Variants in DSG1 observed in about 807,000 individuals in gnomAD.
DSG1 encodes the protein desmoglein 1.
A neutral mutation model predicts 97.5 loss-of-function variants in DSG1; 39 were observed. The observed-to-expected ratio is 0.40, with a 90% CI of 0.31 to 0.52. The LOEUF (loss-of-function observed/expected upper bound fraction) is 0.52. DSG1 is among the 20% of genes least tolerant of loss of function. The pLI, the probability that DSG1 is intolerant of heterozygous loss-of-function variation, is 0.53. For synonymous variants in DSG1, 475 were observed against 443.4 expected (o/e 1.07, Z -0.90); for missense variants, 1,311 against 1,295.4 (o/e 1.01, Z -0.18).
At chr18:31,335,800 A>C (rs2071748210) in intron 8 of DSG1, among the ~76,000 whole-genome samples, 1 of 151,018 alleles carries the variant, frequency 6.6e-6, no homozygotes, top group Non-Finnish European at 1.5e-5. Flanking sequence ...ATTTTATGAA[A>C]TAAATATTTC....
At chr18:31,327,084 A>T (rs921085999) in intron 3 of DSG1, 79 bp downstream of exon 3, 5 of 1,557,394 alleles carry the variant, frequency 3.2e-6, no homozygotes, top group Non-Finnish European at 4.4e-6. Context: ...TAAATATTTC[A>T]TGAACATGTC....
rs2071734736 is a variant in DSG1 at position 31,333,741 on chromosome 18, G to A, written c.819+18G>A. 1.2e-6 allele frequency: 2 copies of A among 1,612,064 alleles called. No homozygotes were observed. The highest frequency in any genetic ancestry group is 1.3e-5 in the African/African-American group (1 of 74,938). ...AGTCTTCAGTAAGTATTTGTTCTTGGAATTAATAAATCTAAATTCGCTATA... is the reference window on the plus strand; with the variant it reads ...AGTCTTCAGTAAGTATTTGTTCTTGAAATTAATAAATCTAAATTCGCTATA... On this transcript the variant is annotated intron_variant, in intron 7 of 14. Coordinates refer to ENST00000257192, the MANE Select transcript of DSG1 (RefSeq NM_001942.4).
chr18:31,330,740 T>A (rs1291389013), intron 5 of DSG1, among the ~76,000 whole-genome samples: 15 of 152,142 alleles, frequency 9.9e-5, no homozygotes, highest in Admixed American at 9.2e-4. Flanking sequence ...TATCATCTGT[T>A]ACATGCTAAT....
chr18:31,326,954 A>C lies in DSG1; in HGVS notation c.165A>C (p.Ala55=), dbSNP rs1191553339. ...RRQKREWIKF[A]AACREGEDNS... ...AGAAACGTGAATGGATCAAGTTCGC[A>C]GCAGCCTGTCGTGAAGGTGAAGACA... Residue 55 remains alanine (A), a synonymous_variant, in exon 3 of 15, where the codon GCA becomes GCC. Coordinates refer to ENST00000257192, the MANE Select transcript of DSG1 (RefSeq NM_001942.4). 1.9e-6 allele frequency: 3 copies of C among 1,613,948 alleles called. No homozygotes were observed. The highest frequency in any genetic ancestry group is 2.5e-6 in the Non-Finnish European group (3 of 1,179,920).
At position 31,354,504 on chromosome 18, in the gene DSG1, G is replaced by A. The variant is rs953515582; in HGVS notation, c.2308G>A (p.Asp770Asn). 4 of 1,614,070 alleles carry A rather than the reference G, an allele frequency of 2.5e-6. No homozygotes were observed. Among genetic ancestry groups the A allele is most frequent in the African/African-American group, 1.3e-5 (1 of 74,918 alleles). Residue 770 changes from aspartate (D) to asparagine (N), a missense_variant, in exon 15 of 15, where the codon GAC (aspartate) becomes AAC (asparagine). Transcript: ENST00000257192. Reference sequence around the variant, plus strand: ...CAGCCTAGGAAAAGAATCATATCCAGACCTTGATCCTTCTTGGCCACCACA... The same window carrying A: ...CAGCCTAGGAAAAGAATCATATCCAAACCTTGATCCTTCTTGGCCACCACA... ...DISLGKESYP[D>N]LDPSWPPQST...
At position 31,358,480 on chromosome 18, in the gene DSG1, A is replaced by C. The variant is rs557879121; in HGVS notation, c.*3134A>C. On this transcript the variant is annotated 3_prime_UTR_variant, in exon 15 of 15. Coordinates refer to ENST00000257192, the MANE Select transcript of DSG1 (RefSeq NM_001942.4). ...TTAGCATCATAATTTTTATTCAAGA[A>C]AATGTTCTGACAAAATTTTAATTAT... 1.3e-5 allele frequency among the ~76,000 whole-genome samples: 2 copies of C among 152,212 alleles called. No individual in the cohort carries two copies. Among genetic ancestry groups the C allele is most frequent in the East Asian group, 3.9e-4 (2 of 5,192 alleles).
At position 31,326,629 on chromosome 18, in the gene DSG1, A is replaced by G; in HGVS notation, c.84+13A>G. 1 of 1,597,904 alleles carries G rather than the reference A, an allele frequency of 6.3e-7. No individual in the cohort carries two copies. Among genetic ancestry groups the G allele is most frequent in the Non-Finnish European group, 8.6e-7 (1 of 1,166,318 alleles). On this transcript the variant is annotated intron_variant, in intron 2 of 14. Coordinates refer to ENST00000257192, the MANE Select transcript of DSG1 (RefSeq NM_001942.4). ...ATTCCGAATCCAGGTAATATATAAC[A>G]AATCCATTTTTCCAAATTTTTAAAC...
At chr18:31,344,264 T>C (rs952160919) in intron 13 of DSG1, among the ~76,000 whole-genome samples, 15 of 152,168 alleles carry the variant, frequency 9.9e-5, no homozygotes, top group Admixed American at 6.6e-4. Flanking sequence ...AAGTACTGAA[T>C]TGTAACCATG....
intron 11 of DSG1, 76 bp from the exon 12 acceptor site, chr18:31,343,374 C>A: frequency 6.3e-7 from 1 of 1,581,562 alleles, no homozygotes; most frequent in Admixed American, 1.7e-5. Flanking sequence ...TCAAATTTAA[C>A]CATAAAAAAT....
At chr18:31,343,642 A>G (rs2071806120) in intron 12 of DSG1, 59 bp downstream of exon 12, 5 of 1,610,658 alleles carry the variant, frequency 3.1e-6, no homozygotes, top group South Asian at 1.1e-5. Flanking sequence ...GTCTTTACAC[A>G]TGAACCAAGA....
rs373882874 is a variant in DSG1 at position 31,354,811 on chromosome 18, T to C, written c.2615T>C (p.Ile872Thr). ...GTGACAGAGAGAGTGGTCGGCCCAATCTCTGGCGCTGATTTGCATGGAATG... is the reference window on the plus strand; with the variant it reads ...GTGACAGAGAGAGTGGTCGGCCCAACCTCTGGCGCTGATTTGCATGGAATG... Reference protein sequence around the residue: ...VVVTERVVGPISGADLHGMLE... With the variant: ...VVVTERVVGPTSGADLHGMLE... The change falls in exon 15 of 15, where the codon ATC becomes ACC. Residue 872 changes from isoleucine to threonine, a missense_variant. Physicochemically the swap from Ile to Thr is moderately conservative, Grantham distance 89. Around this residue, in one of 3 missense-constraint regions of DSG1, gnomAD observed 1,038 missense variants for 964.6 expected, o/e 1.08. Transcript: ENST00000257192. The C allele has an allele frequency of 6.2e-6, 10 of 1,613,950 alleles. No homozygotes were observed. The highest frequency in any genetic ancestry group is 1.7e-5 in the Admixed American group (1 of 59,996).
Position 31,355,110 on chromosome 18 carries a change from G to C in DSG1, c.2914G>C (p.Gly972Arg), listed in dbSNP as rs1042755. 6.2e-7 allele frequency: 1 copy of C among 1,613,958 alleles called. No homozygotes were observed. The highest frequency in any genetic ancestry group is 8.5e-7 in the Non-Finnish European group (1 of 1,179,850). Residue 972 changes from glycine (G) to arginine (R), a missense_variant, in exon 15 of 15, where the codon GGT (glycine) becomes CGT (arginine). Around this residue, in one of 3 missense-constraint regions of DSG1, gnomAD observed 1,038 missense variants for 964.6 expected, o/e 1.08. Transcript: ENST00000257192. Reference protein sequence around the residue: ...TGISGTTGISGGIGSSGLVGT... With the variant: ...TGISGTTGISRGIGSSGLVGT... ...AATTAGTGGCACCACTGGGATCAGC[G>C]GTGGCATAGGCAGCAGTGGCCTGGT...
intron 8 of DSG1, 145 bp from the exon 9 acceptor site, chr18:31,336,209 A>T: frequency 1.5e-6 from 1 of 684,970 alleles, no homozygotes. Flanking sequence ...AAGATTAAAA[A>T]TTTAAGAATG....
chr18:31,354,598 C>T lies in DSG1; in HGVS notation c.2402C>T (p.Pro801Leu). The stretch of plus-strand genomic sequence containing the variant: ...GTTAGTGGACACCCACCAATCTCCC[C>T]ACATTTCGGCACTACCACAGTAATT... ...PVVSGHPPIS[P>L]HFGTTTVISE... Residue 801 changes from proline (P) to leucine (L), a missense_variant, in exon 15 of 15, where the codon CCA becomes CTA. Around this residue, in one of 3 missense-constraint regions of DSG1, gnomAD observed 1,038 missense variants for 964.6 expected, o/e 1.08. Transcript: ENST00000257192. 6.2e-7 allele frequency: 1 copy of T among 1,614,194 alleles called. No individual in the cohort carries two copies. The highest frequency in any genetic ancestry group is 8.5e-7 in the Non-Finnish European group (1 of 1,180,038).
At chr18:31,350,792 T>C (rs2071889069) in intron 14 of DSG1, among the ~76,000 whole-genome samples, 2 of 150,940 alleles carry the variant, frequency 1.3e-5, no homozygotes, top group South Asian at 4.2e-4. Flanking sequence ...GTAGTTTGTA[T>C]TTCTGTGGGA....
Position 31,340,033 on chromosome 18 carries a change from CT to C in DSG1, c.1687+11del, listed in dbSNP as rs778133427. 292 of 1,613,774 alleles carry C rather than the reference CT, an allele frequency of 1.8e-4. No homozygotes were observed. The African/African-American group carries it at 3.5e-3, about 20-fold the overall frequency. ...GATTCTTGGTCTTAGGATGTAAGTA[CT>C]TTAGCAATCCTATGTATATGTGTCC... is the stretch of plus-strand genomic sequence containing the variant. On this transcript the variant is annotated intron_variant, in intron 11 of 14. Coordinates refer to ENST00000257192, the MANE Select transcript of DSG1 (RefSeq NM_001942.4).
intron 12 of DSG1, 95 bp from the exon 13 acceptor site, chr18:31,343,831 A>T: frequency 8.3e-7 from 1 of 1,203,960 alleles, no homozygotes; most frequent in Admixed American, 1.9e-5. Flanking sequence ...TTTTTAGGAA[A>T]TCTGAGGTAA....
At chr18:31,330,651 C>T (rs866750331) in intron 5 of DSG1, among the ~76,000 whole-genome samples, 1 of 152,018 alleles carries the variant, frequency 6.6e-6, no homozygotes, top group Non-Finnish European at 1.5e-5. Context: ...TTCCTAGTAC[C>T]ATTCTTCAGA....
In DSG1 at chr18:31,326,600, G is replaced by A; in HGVS notation, c.68G>A (p.Ser23Asn). Residue 23 changes from serine (S) to asparagine (N), a missense_variant, in exon 2 of 15, where the codon AGT becomes AAT. Physicochemically the swap from Ser to Asn is conservative, Grantham distance 46 (BLOSUM62 1). Around this residue, in one of 3 missense-constraint regions of DSG1, gnomAD observed 259 missense variants for 304.1 expected, o/e 0.85. Coordinates refer to ENST00000257192, the MANE Select transcript of DSG1 (RefSeq NM_001942.4). ...TTACAGGTGGTGGTAGAAGTTAACA[G>A]TGAATTCCGAATCCAGGTAATATAT... is the stretch of plus-strand genomic sequence containing the variant. ...FIFLVVVEVN[S>N]EFRIQVRDYN... is the part of the protein sequence containing the mutation. The A allele has an allele frequency of 6.2e-7, 1 of 1,605,198 alleles. No homozygotes were observed. Among genetic ancestry groups the A allele is most frequent in the South Asian group, 1.1e-5 (1 of 90,484 alleles).
Sources: gnomAD v4.1 joint callset for allele counts (sites outside exome capture counted in the v4.1 genomes callset) on GRCh38, gnomAD v4.1.1 for gene constraint, gnomAD v4.1.1 regional missense constraint, MANE v1.5 for transcripts, NCBI Gene and HGNC (gene_info 2026-07-23, HGNC 2026-07-21) for gene names.